The following FAAH2 variants were observed in gnomAD, a reference collection of about 807,000 sequenced individuals.
The protein encoded by FAAH2 is fatty acid amide hydrolase 2, also known as fatty-acid amide hydrolase 2.
A neutral mutation model predicts 36.9 loss-of-function variants in FAAH2; 60 were observed. The observed-to-expected ratio is 1.63, with a 90% CI of 1.32 to 2.02. The LOEUF is 2.02. FAAH2 is among the 30% of genes most tolerant of loss of function. The pLI, the probability that FAAH2 is intolerant of heterozygous loss-of-function variation, is 0.00. For synonymous variants in FAAH2, 214 were observed against 143.8 expected, an observed-to-expected ratio of 1.49 and a Z score of -3.49; for missense variants, 689 against 397.5, an observed-to-expected ratio of 1.73 and a Z score of -6.23.
chrX:57,246,017 G>A, the FAAH2 span, among the ~76,000 whole-genome samples: 6 of 110,419 alleles, frequency 5.4e-5, no homozygotes, highest in East Asian at 1.4e-3. Context: ...GAATCAAATA[G>A]GTGCAATAAA....
the FAAH2 span, among the ~76,000 whole-genome samples, chrX:57,180,112 G>C: frequency 3.6e-5 from 4 of 111,685 alleles, no homozygotes; most frequent in Non-Finnish European, 7.5e-5. Flanking sequence ...ACACAACTAA[G>C]GCAGTGTTAA....
intron 5 of FAAH2, among the ~76,000 whole-genome samples, chrX:57,356,567 T>C (rs1191877501): frequency 9.0e-6 from 1 of 110,753 alleles, no homozygotes; most frequent in African/African-American, 3.3e-5. Context: ...TGCTTTATAA[T>C]ACTTTTTATT....
chrX:57,210,823 T>C, the FAAH2 span, among the ~76,000 whole-genome samples: 2 of 112,829 alleles, frequency 1.8e-5, no homozygotes, highest in Non-Finnish European at 3.7e-5. Context: ...CCCATTTTCA[T>C]TTGATATAAT....
At chrX:57,187,378 G>T in the FAAH2 span, among the ~76,000 whole-genome samples, 1 of 110,307 alleles carries the variant, frequency 9.1e-6, no homozygotes, top group Admixed American at 9.7e-5. Context: ...TCTATTATTG[G>T]TGTATAGGAA....
chrX:57,286,623 G>A, upstream of FAAH2: 1 of 335,653 alleles, frequency 3.0e-6, no homozygotes, highest in Non-Finnish European at 5.1e-6. Flanking sequence ...TTGCACACAG[G>A]CAGCTGCTGG....
chrX:57,194,443 CTATT>C, the FAAH2 span, among the ~76,000 whole-genome samples: 10 of 110,720 alleles, frequency 9.0e-5, no homozygotes, highest in South Asian at 3.8e-4. Context: ...TTTTCTTTAA[CTATT>C]TATAAGCACT....
intron 7 of FAAH2, among the ~76,000 whole-genome samples, chrX:57,389,227 C>CAAAAAAATTTTCA (rs1569311486): frequency 1.0e-5 from 1 of 98,686 alleles, no homozygotes; most frequent in African/African-American, 3.6e-5. Flanking sequence ...CTGGAGTACC[C>CAAAAAAATTTTCA]TAATTTTAGT....
At chrX:57,479,483 C>T (rs375970518) in intron 10 of FAAH2, among the ~76,000 whole-genome samples, 3 of 110,738 alleles carry the variant, frequency 2.7e-5, no homozygotes, top group African/African-American at 9.8e-5. Flanking sequence ...CCCTTTTTTT[C>T]CTTCCCCTGC....
At chrX:57,209,420 T>A in the FAAH2 span, among the ~76,000 whole-genome samples, 1 of 111,583 alleles carries the variant, frequency 9.0e-6, no homozygotes, top group Non-Finnish European at 1.9e-5. Flanking sequence ...ACTGCATCCT[T>A]CCCTTCGTGG....
chrX:57,126,209 G>A, the FAAH2 span, among the ~76,000 whole-genome samples: 1 of 112,230 alleles, frequency 8.9e-6, no homozygotes, highest in African/African-American at 3.2e-5. Context: ...TCAGTAGTTG[G>A]CCAAAGTAAA....
chrX:57,487,692 C>T (rs2057500671), intron 10 of FAAH2, among the ~76,000 whole-genome samples: 1 of 111,885 alleles, frequency 8.9e-6, no homozygotes. Flanking sequence ...TTGGTGCAGA[C>T]TCTTTGGAAA....
At chrX:57,240,535 G>T in the FAAH2 span, among the ~76,000 whole-genome samples, 1 of 111,660 alleles carries the variant, frequency 9.0e-6, no homozygotes, top group Non-Finnish European at 1.9e-5. Flanking sequence ...GTGTGCAAGT[G>T]TGTATCCAAG....
At chrX:57,261,552 C>CAAAAAAAAAAAAAAAAAAAA in the FAAH2 span, among the ~76,000 whole-genome samples, 1 of 23,386 alleles carries the variant, frequency 4.3e-5, no homozygotes, top group Non-Finnish European at 6.9e-5. Flanking sequence ...GACTCTGTCT[C>CAAAAAAAAAAAAAAAAAAAA]AAAAAAAAAA....
At chrX:57,268,228 G>A in the FAAH2 span, among the ~76,000 whole-genome samples, 1 of 111,805 alleles carries the variant, frequency 8.9e-6, no homozygotes, top group African/African-American at 3.2e-5. Context: ...CAGCAGAATA[G>A]ACCAAGTGGA....
At chrX:57,300,317 T>C (rs1569240722) in intron 2 of FAAH2, among the ~76,000 whole-genome samples, 1 of 111,724 alleles carries the variant, frequency 9.0e-6, no homozygotes, top group African/African-American at 3.3e-5. Context: ...TCTACAACTA[T>C]CTGATCTTTG....
At chrX:57,317,448 T>C (rs1416739947) in intron 3 of FAAH2, among the ~76,000 whole-genome samples, 1 of 112,101 alleles carries the variant, frequency 8.9e-6, no homozygotes, top group Non-Finnish European at 1.9e-5. Flanking sequence ...AAAGGGACTT[T>C]GTACCAAGAA....
At chrX:57,330,705 C>G (rs1227217999) in intron 3 of FAAH2, among the ~76,000 whole-genome samples, 1 of 111,579 alleles carries the variant, frequency 9.0e-6, no homozygotes, top group Admixed American at 9.5e-5. Flanking sequence ...AGATGCCCAG[C>G]TTTAAAATTT....
the FAAH2 span, among the ~76,000 whole-genome samples, chrX:57,167,631 T>C: frequency 8.9e-6 from 1 of 111,842 alleles, no homozygotes; most frequent in Non-Finnish European, 1.9e-5. Flanking sequence ...ATCATTCTTA[T>C]GCATTTAAAT....
intron 5 of FAAH2, among the ~76,000 whole-genome samples, chrX:57,348,721 A>G (rs1169030760): frequency 6.3e-5 from 7 of 111,487 alleles, no homozygotes; most frequent in Non-Finnish European, 1.3e-4. Context: ...TAACTGCTGC[A>G]TGCGTCTTGA....
Sources: allele counts gnomAD v4.1 joint callset (sites outside exome capture counted in the v4.1 genomes callset), GRCh38; gene constraint gnomAD v4.1.1; transcripts MANE v1.5; gene names NCBI Gene and HGNC (gene_info 2026-07-23, HGNC 2026-07-21).